CAMSAP2: variants seen among roughly 807,000 people sequenced by gnomAD.
CAMSAP2 encodes the protein calmodulin regulated spectrin associated protein family member 2, also known as calmodulin-regulated spectrin-associated protein 2.
CAMSAP2 carries 26 observed loss-of-function variants against 146.1 expected under a neutral mutation model. That is an observed-to-expected ratio of 0.18 (90% CI 0.13 to 0.25). The LOEUF (loss-of-function observed/expected upper bound fraction) is 0.25. Ranked by LOEUF, CAMSAP2 falls within the 10% of genes least tolerant of loss-of-function variation. The probability of loss-of-function intolerance (pLI) is 1.00; values close to 1 mark genes in which losing one functional copy is unlikely to be tolerated. For missense variants in CAMSAP2, 1,381 were observed against 1,759.3 expected (o/e 0.78, Z 3.85); for synonymous variants, 499 against 596.6 (o/e 0.84, Z 2.38).
rs1407825665 is a variant in CAMSAP2, at chr1:200,844,802, C to A, written c.1042C>A (p.Pro348Thr). Residue 348 changes from proline (P) to threonine (T), a missense_variant, in exon 8 of 17, where the codon CCT becomes ACT. Coordinates refer to ENST00000358823, the MANE Select transcript of CAMSAP2 (RefSeq NM_203459.4). The part of the protein sequence containing the change: ...PQGAEPVKDM[P>T]SIPVLNAAKR... ...TCCAGCTGAACCTGTAAAAGATATG[C>A]CTTCAATTCCTGTCTTGAATGCTGC... The A allele has an allele frequency of 1.3e-6, 2 of 1,589,172 alleles. No individual in the cohort carries two copies. Among genetic ancestry groups the A allele is most frequent in the South Asian group, 1.2e-5 (1 of 85,616 alleles).
Position 200,832,484 on chromosome 1 carries a change from A to G in CAMSAP2, c.787+143A>G. On this transcript the variant is annotated intron_variant, in intron 5 of 16. Transcript: ENST00000358823. This position sits in a 1 kb window ranked among gnomAD's most constrained non-coding sequence, Gnocchi z 4.2. ...CAATATTATTTAATAAGTACTGAAG[A>G]CTTTTTTTTAAAAATAAAGAACATT... 1 of 866,558 alleles carries G rather than the reference A, an allele frequency of 1.2e-6. No homozygotes were observed. Among genetic ancestry groups the G allele is most frequent in the Non-Finnish European group, 1.6e-6 (1 of 608,296 alleles). 53.7% of individuals were successfully genotyped at this position (866,558 alleles called of 1,614,324 possible).
intron 4 of CAMSAP2, among the ~76,000 whole-genome samples, chr1:200,830,836 A>G (rs1667022940): frequency 6.6e-6 from 1 of 152,206 alleles, no homozygotes; most frequent in Non-Finnish European, 1.5e-5. Context: ...ATTAACAAGA[A>G]CCTTCAGAAA....
At position 200,854,818 on chromosome 1, in the gene CAMSAP2, C is replaced by A; in HGVS notation, c.3825C>A (p.Val1275=). ...CATGAATTTATCGTGTTTTTTCAGT[C>A]TCTAGCCTTTCTTTGGCATCGCTGA... ...SPKTPIKGPP[V]SSLSLASLNT... The change falls in exon 14 of 17, where the codon GTC becomes GTA. Residue 1275 remains valine, a splice_region_variant and synonymous_variant. Coordinates refer to ENST00000358823, the MANE Select transcript of CAMSAP2 (RefSeq NM_203459.4). 2.5e-6 allele frequency: 4 copies of A among 1,608,860 alleles called. No homozygotes were observed. Among genetic ancestry groups the A allele is most frequent in the Non-Finnish European group, 3.4e-6 (4 of 1,177,880 alleles).
chr1:200,744,826 A>G (rs1239967644), intron 1 of CAMSAP2, among the ~76,000 whole-genome samples: 1 of 152,158 alleles, frequency 6.6e-6, no homozygotes, highest in African/African-American at 2.4e-5. Flanking sequence ...GGTAGTGCTA[A>G]TGAAACAACA....
At chr1:200,841,919 T>C (rs1258353158) in intron 6 of CAMSAP2, 75 bp from the exon 7 acceptor site, 1 of 1,039,476 alleles carries the variant, frequency 9.6e-7, no homozygotes, top group Non-Finnish European at 1.5e-6. Flanking sequence ...TTTAAACCTA[T>C]ATTTTAAAAC....
intron 2 of CAMSAP2, among the ~76,000 whole-genome samples, chr1:200,779,075 A>C (rs910550629): frequency 2.6e-5 from 4 of 152,138 alleles, no homozygotes; most frequent in Non-Finnish European, 5.9e-5. Context: ...GTGAGAAACC[A>C]TGGAGTTAAC....
At chr1:200,856,944 C>CT (rs776683725) in intron 15 of CAMSAP2, among the ~76,000 whole-genome samples, 30 of 152,014 alleles carry the variant, frequency 2.0e-4, no homozygotes, top group Non-Finnish European at 4.3e-4. Flanking sequence ...AAAAAGAAAG[C>CT]TTTTTTTTGC....
intron 4 of CAMSAP2, among the ~76,000 whole-genome samples, chr1:200,819,447 C>T (rs1666691055): frequency 6.6e-6 from 1 of 152,278 alleles, no homozygotes; most frequent in Non-Finnish European, 1.5e-5. Flanking sequence ...GGAAGCCGTA[C>T]TTGAACGATT....
chr1:200,819,506 G>C (rs1666692591), intron 4 of CAMSAP2, among the ~76,000 whole-genome samples: 1 of 152,122 alleles, frequency 6.6e-6, no homozygotes, highest in Admixed American at 6.5e-5. Flanking sequence ...TCATTCTCTT[G>C]AAGAGTTTGT....
At position 200,847,228 on chromosome 1, in the gene CAMSAP2, TAC is replaced by T. The variant is rs865792214; in HGVS notation, c.1132_1133del (p.Gln378ValfsTer8). On this transcript the variant is annotated frameshift_variant, in exon 9 of 17. Transcript: ENST00000358823. LOFTEE classifies it high-confidence loss of function. ...ATTGCAGTGGGGAAGGAGCTACATT[TAC>T]ACAGTCTCATCATCATTTGCCTTCT... ...FPSSGEGATF[T>X]QSHHHLPSRY... 6.2e-7 allele frequency: 1 copy of T among 1,611,058 alleles called. No homozygotes were observed. Among genetic ancestry groups the T allele is most frequent in the Non-Finnish European group, 8.5e-7 (1 of 1,178,424 alleles).
intron 1 of CAMSAP2, among the ~76,000 whole-genome samples, chr1:200,747,550 T>C (rs562403407): frequency 1.3e-5 from 2 of 151,460 alleles, no homozygotes; most frequent in African/African-American, 2.4e-5. Context: ...CCACCTCAAA[T>C]TGGCTAATAG....
intron 3 of CAMSAP2, among the ~76,000 whole-genome samples, chr1:200,812,209 T>A (rs754406550): frequency 1.4e-4 from 22 of 152,228 alleles, no homozygotes; most frequent in Non-Finnish European, 2.8e-4. Context: ...TTCTAGTGCC[T>A]ACGATGACCT....
At chr1:200,833,479 G>C (rs1667097438) in intron 6 of CAMSAP2, among the ~76,000 whole-genome samples, 1 of 151,690 alleles carries the variant, frequency 6.6e-6, no homozygotes, top group African/African-American at 2.4e-5. Flanking sequence ...AGGATTGCTT[G>C]AGTCTGGAAG....
chr1:200,854,030 G>A (rs1667688584), intron 13 of CAMSAP2, among the ~76,000 whole-genome samples: 1 of 152,116 alleles, frequency 6.6e-6, no homozygotes, highest in African/African-American at 2.4e-5. Flanking sequence ...CCAGGCTAGA[G>A]TGCAGTGGTG....
At position 200,747,785 on chromosome 1, in the gene CAMSAP2, C is replaced by T. The variant is rs566818447; in HGVS notation, c.139+7819C>T. Among the ~76,000 whole-genome samples, 11 of 152,026 alleles carry T rather than the reference C, an allele frequency of 7.2e-5. No individual in the cohort carries two copies. The South Asian group carries it at 1.9e-3, about 26-fold the overall frequency. On this transcript the variant is annotated intron_variant, in intron 1 of 16. Transcript: ENST00000358823. ...CAGCACTCTGGGAGGCCGAGGCAGG[C>T]GGATCACGAGGTCAGGAGATCGAGA...
chr1:200,831,091 A>G (rs932740015), intron 4 of CAMSAP2, among the ~76,000 whole-genome samples: 10 of 152,194 alleles, frequency 6.6e-5, no homozygotes, highest in African/African-American at 2.4e-4. Context: ...GAGATGACCA[A>G]TTTAGATGGA....
In CAMSAP2 at chr1:200,813,810, G is replaced by A. The variant is rs372046344; in HGVS notation, c.562-1751G>A. ...AAAGTGTTTGTTTTTTAACTTAAAG[G>A]GAATGAGGCTGGGTCTGGTGGCTCA... On this transcript the variant is annotated intron_variant, in intron 3 of 16. Coordinates refer to ENST00000358823, the MANE Select transcript of CAMSAP2 (RefSeq NM_203459.4). Among the ~76,000 whole-genome samples the A allele has an allele frequency of 5.9e-4, 89 of 152,062 alleles. No homozygotes were observed. In the South Asian group the frequency reaches 0.017, roughly 29 times the overall value.
intron 9 of CAMSAP2, 93 bp downstream of exon 9, chr1:200,847,385 G>GT (rs201742979): frequency 8.2e-4 from 684 of 830,240 alleles, no homozygotes; most frequent in Non-Finnish European, 1.0e-3. Flanking sequence ...AATATCCAGG[G>GT]TTTTTTTGTG....
At chr1:200,746,808 C>A (rs904395173) in intron 1 of CAMSAP2, among the ~76,000 whole-genome samples, 1 of 151,640 alleles carries the variant, frequency 6.6e-6, no homozygotes, top group Non-Finnish European at 1.5e-5. Flanking sequence ...TTAGTAGAGA[C>A]GGGGTTTCAC....
Sources: allele counts gnomAD v4.1 joint callset (sites outside exome capture counted in the v4.1 genomes callset), GRCh38; gene constraint gnomAD v4.1.1; non-coding constraint Gnocchi (gnomAD v3.1); transcripts MANE v1.5; gene names NCBI Gene and HGNC (gene_info 2026-07-23, HGNC 2026-07-21).